Variants in MYH9 observed in about 807,000 individuals in gnomAD.
The protein encoded by MYH9 is myosin heavy chain 9, also known as myosin-9.
MYH9 carries 29 observed loss-of-function variants against 241.9 expected under a neutral mutation model. That is an observed-to-expected ratio of 0.12 (90% CI 0.09 to 0.16). The LOEUF is 0.16. Ranked by LOEUF, MYH9 falls within the 10% of genes least tolerant of loss-of-function variation. The pLI is 1.00. For missense variants in MYH9, 1,803 were observed against 2,595.5 expected (o/e 0.69, Z 6.63); for synonymous variants, 1,047 against 1,062.6 (o/e 0.99, Z 0.29).
chr22:36,294,189 C>A lies in MYH9; in HGVS notation c.3740G>T (p.Arg1247Leu). Residue 1247 changes from arginine (R) to leucine (L), a missense_variant, in exon 28 of 41, where the codon CGC becomes CTC. This residue lies in a region of MYH9 where 876 missense variants were observed against 1,077.8 expected (regional missense o/e 0.81). Coordinates refer to ENST00000216181, the MANE Select transcript of MYH9 (RefSeq NM_002473.6). ...LQGKGDSEHK[R>L]KKVEAQLQEL... Reference sequence around the variant, plus strand: ...CTGCAGCTGCGCCTCCACTTTCTTGCGCTTGTGCTCCGAGTCCCCTTTGCC... The same window carrying A: ...CTGCAGCTGCGCCTCCACTTTCTTGAGCTTGTGCTCCGAGTCCCCTTTGCC... 1.2e-6 allele frequency: 2 copies of A among 1,613,924 alleles called. No individual in the cohort carries two copies. The highest frequency in any genetic ancestry group is 1.7e-6 in the Non-Finnish European group (2 of 1,180,040).
rs55644146 is a variant in MYH9, at chr22:36,309,091, C to T, written c.1843+191G>A. On this transcript the variant is annotated intron_variant, in intron 15 of 40. Transcript: ENST00000216181. ...CAGGAGGACCCGGCCACGGTGTGTG[C>T]GCAAGGGCAGTGGCCTCCTGTTTCG... Among the ~76,000 whole-genome samples, 259 of 152,312 alleles carry T rather than the reference C, an allele frequency of 1.7e-3. 1 individual carries two copies. The highest frequency in any genetic ancestry group is 3.1e-3 in the Non-Finnish European group (210 of 68,038).
Position 36,282,745 on chromosome 22 carries a change from G to T in MYH9, c.5806C>A (p.Arg1936=), listed in dbSNP as rs727503281. Residue 1936 remains arginine (R), a synonymous_variant, in exon 41 of 41, where the codon CGG becomes AGG. Transcript: ENST00000216181. ...LPFVVPRRMA[R]KGAGDGSDEE... Reference sequence around the variant, plus strand: ...TCGGAGCCATCCCCGGCGCCTTTCCGGGCCATTCGGCGGGGCACGACAAAC... The same window carrying T: ...TCGGAGCCATCCCCGGCGCCTTTCCTGGCCATTCGGCGGGGCACGACAAAC... 1.9e-6 allele frequency: 3 copies of T among 1,613,392 alleles called. No individual in the cohort carries two copies. Among genetic ancestry groups the T allele is most frequent in the African/African-American group, 2.7e-5 (2 of 74,922 alleles).
chr22:36,333,227 G>T (rs1006586981), intron 3 of MYH9, among the ~76,000 whole-genome samples: 4 of 152,228 alleles, frequency 2.6e-5, no homozygotes, highest in Admixed American at 2.0e-4. Context: ...AGTCAAACGT[G>T]CTTGAGAGCA....
chr22:36,302,503 G>T, intron 20 of MYH9, 65 bp downstream of exon 20: 2 of 1,351,890 alleles, frequency 1.5e-6, no homozygotes, highest in Middle Eastern at 1.8e-4. Flanking sequence ...CAAACAATTA[G>T]CCAGGTATGT....
intron 1 of MYH9, among the ~76,000 whole-genome samples, chr22:36,380,338 C>G (rs2018237216): frequency 6.6e-6 from 1 of 152,208 alleles, no homozygotes; most frequent in Non-Finnish European, 1.5e-5. Context: ...AGAATTTGGG[C>G]TTTTCCAGTG....
At chr22:36,368,859 G>T (rs1018920635) in intron 1 of MYH9, among the ~76,000 whole-genome samples, 5 of 150,064 alleles carry the variant, frequency 3.3e-5, no homozygotes, top group Admixed American at 2.0e-4. Flanking sequence ...TGCCCCGTCC[G>T]CGATAGAGCA....
intron 1 of MYH9, among the ~76,000 whole-genome samples, chr22:36,366,031 T>C (rs559008404): frequency 4.5e-4 from 68 of 151,764 alleles, no homozygotes; most frequent in Admixed American, 6.6e-4. Context: ...CTACTAAAAA[T>C]ACAAAAATTA....
rs1279410942 is a variant in MYH9 at position 36,288,208 on chromosome 22, AGT to A, written c.4932+42_4932+43del. On this transcript the variant is annotated intron_variant, in intron 34 of 40. Transcript: ENST00000216181. This position sits in a 1 kb window ranked among gnomAD's most constrained non-coding sequence, Gnocchi z 4.8. ...TGGCACCTTCATATGTAGTTGGCTC[AGT>A]CGGGTGCCGCCCACCCTCACCTGGG... 1.2e-6 allele frequency: 2 copies of A among 1,610,382 alleles called. No homozygotes were observed. Among genetic ancestry groups the A allele is most frequent in the East Asian group, 4.5e-5 (2 of 44,886 alleles).
intron 21 of MYH9, 42 bp downstream of exon 21, chr22:36,301,492 G>T (rs1340266490): frequency 1.2e-6 from 2 of 1,610,156 alleles, no homozygotes; most frequent in African/African-American, 1.3e-5. Context: ...GGCAGCACCA[G>T]GCAGGTCGTG....
At chr22:36,382,246 G>A (rs538046753) in intron 1 of MYH9, among the ~76,000 whole-genome samples, 45 of 152,246 alleles carry the variant, frequency 3.0e-4, no homozygotes, top group African/African-American at 1.1e-3. Context: ...AGGCCAAGGC[G>A]GGCGGATCAC....
At chr22:36,360,385 CAA>C (rs1429478219) in intron 1 of MYH9, among the ~76,000 whole-genome samples, 1 of 152,048 alleles carries the variant, frequency 6.6e-6, no homozygotes, top group Non-Finnish European at 1.5e-5. Context: ...ACAATATGCA[CAA>C]AATGTTGTAG....
intron 35 of MYH9, among the ~76,000 whole-genome samples, chr22:36,286,369 C>G (rs2016580928): frequency 6.6e-6 from 1 of 152,122 alleles, no homozygotes; most frequent in Non-Finnish European, 1.5e-5. Context: ...GGGCACCCTC[C>G]AGACCTGGGA....
chr22:36,343,865 A>C (rs969508685), intron 2 of MYH9, among the ~76,000 whole-genome samples: 4 of 152,222 alleles, frequency 2.6e-5, no homozygotes, highest in Non-Finnish European at 5.9e-5. Context: ...GAGCTCAGAA[A>C]CAATCAAGCT....
chr22:36,338,061 G>C (rs1377362658), intron 3 of MYH9, among the ~76,000 whole-genome samples: 2 of 151,066 alleles, frequency 1.3e-5, no homozygotes, highest in Non-Finnish European at 2.9e-5. Context: ...CCAATGACAC[G>C]ATCTCAGCTC....
chr22:36,326,782 G>T lies in MYH9; in HGVS notation c.519-121C>A. On this transcript the variant is annotated intron_variant, in intron 4 of 40. Transcript: ENST00000216181. ...TGGGTGCCCGTGAAGGACCCAACGT[G>T]TGGCAGAAAACGGGACTGCCACATA... 7.3e-6 allele frequency: 6 copies of T among 825,372 alleles called. No individual in the cohort carries two copies. In the South Asian group the frequency reaches 8.1e-5, roughly 11 times the overall value. 51.1% of individuals were successfully genotyped at this position (825,372 alleles called of 1,614,324 possible).
chr22:36,309,463 G>C, intron 14 of MYH9, 67 bp from the exon 15 acceptor site: 1 of 1,197,548 alleles, frequency 8.4e-7, no homozygotes. Flanking sequence ...AGGGTCTCCG[G>C]AGCACAGGCT....
intron 10 of MYH9, among the ~76,000 whole-genome samples, chr22:36,318,670 A>G (rs1350285620): frequency 6.6e-6 from 1 of 152,182 alleles, no homozygotes; most frequent in Non-Finnish European, 1.5e-5. Context: ...CGCACTCCTC[A>G]GAGTGTAAAA....
At chr22:36,357,628 C>CA (rs1229398743) in intron 1 of MYH9, among the ~76,000 whole-genome samples, 1 of 152,188 alleles carries the variant, frequency 6.6e-6, no homozygotes, top group East Asian at 1.9e-4. Context: ...TTCGTGTGAA[C>CA]AAACGCAGCA....
At chr22:36,316,357 A>T (rs1324429641) in intron 12 of MYH9, among the ~76,000 whole-genome samples, 160 bp downstream of exon 12, 11 of 38,420 alleles carry the variant, frequency 2.9e-4, no homozygotes, top group Non-Finnish European at 9.8e-4. Flanking sequence ...TTAAAAAAGA[A>T]AAAAAAAAAA....
Sources: allele counts gnomAD v4.1 joint callset (sites outside exome capture counted in the v4.1 genomes callset), GRCh38; gene constraint gnomAD v4.1.1; regional missense constraint gnomAD v4.1.1; non-coding constraint Gnocchi (gnomAD v3.1); transcripts MANE v1.5; gene names NCBI Gene and HGNC (gene_info 2026-07-23, HGNC 2026-07-21).